RFX2: variants seen among roughly 807,000 people sequenced by gnomAD.
The protein encoded by RFX2 is DNA-binding protein RFX2.
A neutral mutation model predicts 87.8 loss-of-function variants in RFX2; 20 were observed. The observed-to-expected ratio is 0.23, with a 90% CI of 0.16 to 0.33. The LOEUF (loss-of-function observed/expected upper bound fraction) is 0.33, where lower values mean the gene tolerates loss of function less well. Among genes scored for constraint, RFX2 ranks in the 10% least tolerant of loss-of-function variants. The pLI is 1.00. For synonymous variants in RFX2, 397 were observed against 431.3 expected, an observed-to-expected ratio of 0.92 and a Z score of 0.98; for missense variants, 767 against 1,012.3, an observed-to-expected ratio of 0.76 and a Z score of 3.29.
intron 3 of RFX2, among the ~76,000 whole-genome samples, chr19:6,042,477 A>T (rs1050576078): frequency 1.3e-5 from 2 of 150,258 alleles, no homozygotes; most frequent in African/African-American, 4.8e-5. Context: ...CTTGGCTCAC[A>T]GGACTGTCCC....
chr19:6,105,633 C>T (rs558494670), intron 1 of RFX2, among the ~76,000 whole-genome samples: 139 of 152,230 alleles, frequency 9.1e-4, no homozygotes, highest in African/African-American at 3.2e-3. Context: ...GAGAGACTGC[C>T]GAGCACCAGT....
At chr19:6,043,532 C>T (rs1340395488) in intron 3 of RFX2, among the ~76,000 whole-genome samples, 2 of 152,366 alleles carry the variant, frequency 1.3e-5, no homozygotes, top group East Asian at 1.9e-4. Context: ...CCAAATCTGG[C>T]CCACTGCCTG....
At chr19:6,035,672 T>C (rs1383862055) in intron 5 of RFX2, among the ~76,000 whole-genome samples, 2 of 152,164 alleles carry the variant, frequency 1.3e-5, no homozygotes, top group Non-Finnish European at 2.9e-5. Context: ...AGCAGCTGTA[T>C]TTCTGTTGCA....
In RFX2 at chr19:6,007,731, A is replaced by G. The variant is rs747479094; in HGVS notation, c.1206T>C (p.Ser402=). Residue 402 remains serine, a synonymous_variant, in exon 11 of 18, where the codon TCT becomes TCC. Coordinates refer to ENST00000303657, the MANE Select transcript of RFX2 (RefSeq NM_000635.4). The surrounding 1 kb of genome is among the most constrained non-coding windows in gnomAD (Gnocchi z 8.2). ...IEKLWLSFWN[S]KASSSDGPTS... is the part of the protein sequence containing the mutation. The stretch of plus-strand genomic sequence containing the variant: ...TGGGGCCGTCGCTGGAGGAGGCCTT[A>G]GAGTTCCAGAAGGAGAGCCACAGCT... 134 of 1,556,148 alleles carry G rather than the reference A, an allele frequency of 8.6e-5. No individual in the cohort carries two copies. The highest frequency in any genetic ancestry group is 1.1e-4 in the Non-Finnish European group (125 of 1,148,992).
intron 1 of RFX2, among the ~76,000 whole-genome samples, chr19:6,086,018 G>A (rs1360765780): frequency 6.8e-6 from 1 of 147,812 alleles, no homozygotes; most frequent in Non-Finnish European, 1.5e-5. Flanking sequence ...CTTGAGCCCA[G>A]GAGGCCGAGG....
chr19:6,023,204 GA>G lies in RFX2; in HGVS notation c.597+2958del. The G allele has an allele frequency of 6.6e-6, 1 of 152,668 alleles. No homozygotes were observed. Among genetic ancestry groups the G allele is most frequent in the Non-Finnish European group, 1.5e-5 (1 of 68,264 alleles). 9.5% of individuals were successfully genotyped at this position (152,668 alleles called of 1,614,324 possible). A position where few individuals can be genotyped will look rare whatever the true frequency, so the allele number is the denominator to read the frequency against. On this transcript the variant is annotated intron_variant, in intron 6 of 17. Transcript: ENST00000303657. The surrounding 1 kb of genome is among the most constrained non-coding windows in gnomAD (Gnocchi z 4.9). ...GGGCGACCTGCCTGGGGCTGTCTGA[GA>G]AGGGAGGTCTGGGAGGCCACTGGGA...
At chr19:5,996,038 G>A (rs1209382373) in intron 16 of RFX2, among the ~76,000 whole-genome samples, 1 of 152,248 alleles carries the variant, frequency 6.6e-6, no homozygotes, top group Non-Finnish European at 1.5e-5. Flanking sequence ...CGGCGTTCAC[G>A]CCAATGTGCA....
intron 1 of RFX2, among the ~76,000 whole-genome samples, chr19:6,082,889 C>T (rs912381989): frequency 2.0e-5 from 3 of 152,196 alleles, no homozygotes; most frequent in African/African-American, 7.2e-5. Context: ...AAAGAAGCAG[C>T]AGTGCTGATC....
In RFX2 at chr19:5,994,605, GAC is replaced by G. The variant is rs1317571358; in HGVS notation, c.*228_*229del. On this transcript the variant is annotated 3_prime_UTR_variant, in exon 18 of 18. Transcript: ENST00000303657. Reference sequence around the variant, plus strand: ...GGTGGGGCCCTGGTGGCTGCGCAGGGACCTGGGGACCCAGAGCACAGCTACAG... The same window carrying G: ...GGTGGGGCCCTGGTGGCTGCGCAGGGCTGGGGACCCAGAGCACAGCTACAG... 1.8e-6 allele frequency: 1 copy of G among 564,242 alleles called. No homozygotes were observed. The highest frequency in any genetic ancestry group is 3.0e-5 in the Admixed American group (1 of 32,914). 35.0% of individuals were successfully genotyped at this position (564,242 alleles called of 1,614,324 possible).
At chr19:6,089,349 G>A (rs374916195) in intron 1 of RFX2, among the ~76,000 whole-genome samples, 4 of 152,328 alleles carry the variant, frequency 2.6e-5, no homozygotes, top group South Asian at 4.1e-4. Flanking sequence ...GGCAGTCTCT[G>A]AAAAGGGAGT....
intron 15 of RFX2, among the ~76,000 whole-genome samples, chr19:6,000,659 T>C (rs2086478922): frequency 6.6e-6 from 1 of 152,250 alleles, no homozygotes; most frequent in Non-Finnish European, 1.5e-5. Context: ...CCATGGAAGA[T>C]GTGCCTTTGC....
chr19:6,059,088 T>C (rs767863156), intron 1 of RFX2, among the ~76,000 whole-genome samples: 135 of 151,812 alleles, frequency 8.9e-4, no homozygotes, highest in Non-Finnish European at 1.1e-3. Flanking sequence ...CAAGTGACCC[T>C]CCCGCCTTAG....
chr19:6,072,026 CA>C (rs1224882497), intron 1 of RFX2: 1 of 152,182 alleles, frequency 6.6e-6, no homozygotes, highest in East Asian at 1.9e-4. Context: ...GGGGCGAGAA[CA>C]AACCCTCAGC....
intron 1 of RFX2, among the ~76,000 whole-genome samples, chr19:6,055,713 GT>G (rs1312320406): frequency 6.6e-6 from 1 of 152,130 alleles, no homozygotes; most frequent in Non-Finnish European, 1.5e-5. Flanking sequence ...TCACCAAAAA[GT>G]AAAAATAACC....
intron 1 of RFX2, among the ~76,000 whole-genome samples, chr19:6,066,384 T>C (rs996902570): frequency 2.0e-5 from 3 of 152,160 alleles, no homozygotes; most frequent in Non-Finnish European, 4.4e-5. Flanking sequence ...TCTTTGCTCT[T>C]CTGAAATTCT....
intron 6 of RFX2, among the ~76,000 whole-genome samples, chr19:6,018,577 G>A (rs1244744946): frequency 4.6e-5 from 7 of 152,242 alleles, no homozygotes; most frequent in African/African-American, 2.4e-5. Flanking sequence ...TTTTAGGAAG[G>A]GGGAAGTTAA....
chr19:6,044,244 C>A lies in RFX2; in HGVS notation c.129G>T (p.Gly43=), dbSNP rs755146619. ...GGAGGGAGATCGGCTGCATCTGGGC[C>A]CCTTTGGGATTGGAGCTGGCTGCCT... ...LVQAASSNPK[G]AQMQPISLPR... The change falls in exon 3 of 18, where the codon GGG becomes GGT. Residue 43 remains glycine (G), a synonymous_variant. Transcript: ENST00000303657. The surrounding 1 kb of genome is among the most constrained non-coding windows in gnomAD (Gnocchi z 5.3). 59 of 1,575,524 alleles carry A rather than the reference C, an allele frequency of 3.7e-5. No individual in the cohort carries two copies. The highest frequency in any genetic ancestry group is 5.0e-5 in the Non-Finnish European group (58 of 1,161,464).
rs747750917 is a variant in RFX2, at chr19:6,001,740, G to GC, written c.1859+74dup. The GC allele has an allele frequency of 4.5e-6, 6 of 1,326,244 alleles. No homozygotes were observed. Among genetic ancestry groups the GC allele is most frequent in the Non-Finnish European group, 6.2e-6 (6 of 965,230 alleles). The allele number at this position is 1,326,244 out of a possible 1,614,324, so 82.2% of individuals were successfully genotyped here. On this transcript the variant is annotated intron_variant, in intron 15 of 17. Transcript: ENST00000303657. The surrounding 1 kb of genome is among the most constrained non-coding windows in gnomAD (Gnocchi z 5.6). ...GTTTTGCTCTGAGCTCACCAGCCGA[G>GC]CCCCCTACCCTCTAGAAGTTTCTCT...
At chr19:6,105,812 T>C (rs573019750) in intron 1 of RFX2, among the ~76,000 whole-genome samples, 1 of 151,822 alleles carries the variant, frequency 6.6e-6, no homozygotes, top group East Asian at 1.9e-4. Flanking sequence ...GCCTGAGTAA[T>C]GGGAAGAAGT....
Sources: gnomAD v4.1 joint callset for allele counts (sites outside exome capture counted in the v4.1 genomes callset) on GRCh38, gnomAD v4.1.1 for gene constraint, Gnocchi (gnomAD v3.1) non-coding constraint, MANE v1.5 for transcripts, NCBI Gene and HGNC (gene_info 2026-07-23, HGNC 2026-07-21) for gene names.